Variants in LRRC27 observed in about 807,000 individuals in gnomAD.
LRRC27 encodes the protein leucine rich repeat containing 27.
Under a neutral mutation model 55.0 loss-of-function variants are expected in LRRC27, and 57 were observed. The observed-to-expected ratio is 1.04, with a 90% CI of 0.84 to 1.29. The LOEUF (loss-of-function observed/expected upper bound fraction) is 1.29, where lower values mean the gene tolerates loss of function less well. Among genes scored for constraint, LRRC27 ranks in the 50% most tolerant of loss-of-function variants. LRRC27 has a pLI of 0.00. For synonymous variants in LRRC27, 278 were observed against 251.9 expected (o/e 1.10, Z -0.98); for missense variants, 721 against 651.5 (o/e 1.11, Z -1.16).
chr10:132,341,629 C>T (rs1392128216), intron 3 of LRRC27, among the ~76,000 whole-genome samples: 2 of 152,102 alleles, frequency 1.3e-5, no homozygotes, highest in Admixed American at 6.6e-5. Flanking sequence ...GAGTTTCTTA[C>T]GTAGAGGCTT....
In LRRC27 at chr10:132,372,719, G is replaced by GCCTAA. The variant is rs1432671602; in HGVS notation, c.1417-2347_1417-2346insCCTAA. 1.3e-5 allele frequency among the ~76,000 whole-genome samples: 2 copies of GCCTAA among 152,208 alleles called. No individual in the cohort carries two copies. The highest frequency in any genetic ancestry group is 2.9e-5 in the Non-Finnish European group (2 of 68,042). On this transcript the variant is annotated intron_variant, in intron 10 of 10. Transcript: ENST00000368614. The surrounding 1 kb of genome is among the most constrained non-coding windows in gnomAD (Gnocchi z 4.0). ...CTGACCAACCAGGCACCACAGTGGTGACAGCAGCCATGTTTGGCCTAAAGA... is the reference window on the plus strand; with the variant it reads ...CTGACCAACCAGGCACCACAGTGGTGCCTAAACAGCAGCCATGTTTGGCCTAAAGA...
chr10:132,361,613 T>G lies in LRRC27; in HGVS notation c.1289+38T>G, dbSNP rs750735215. 10 of 1,450,992 alleles carry G rather than the reference T, an allele frequency of 6.9e-6. No individual in the cohort carries two copies. The South Asian group carries it at 1.1e-4, about 17-fold the overall frequency. 89.9% of individuals were successfully genotyped at this position (1,450,992 alleles called of 1,614,324 possible). ...AACTGGCACTCAGTCCTTCCAGGGC[T>G]CAGCCAGCCACCCACGGGCAGGTGC... On this transcript the variant is annotated intron_variant, in intron 9 of 10. Coordinates refer to ENST00000368614, the MANE Select transcript of LRRC27 (RefSeq NM_030626.3).
intron 9 of LRRC27, among the ~76,000 whole-genome samples, chr10:132,363,254 C>A (rs1273725295): frequency 2.0e-5 from 3 of 150,478 alleles, no homozygotes; most frequent in African/African-American, 7.4e-5. Flanking sequence ...GGTTCATGAA[C>A]CCTCTCACCT....
chr10:132,333,486 G>A lies in LRRC27; in HGVS notation c.-39G>A. 1 of 1,525,148 alleles carries A rather than the reference G, an allele frequency of 6.6e-7. No individual in the cohort carries two copies. The highest frequency in any genetic ancestry group is 8.9e-7 in the Non-Finnish European group (1 of 1,128,562). The allele number at this position is 1,525,148 out of a possible 1,614,324, so 94.5% of individuals were successfully genotyped here. On this transcript the variant is annotated 5_prime_UTR_variant, in exon 2 of 11. Coordinates refer to ENST00000368614, the MANE Select transcript of LRRC27 (RefSeq NM_030626.3). ...TTTCCCGTGTCTCCAGGTGACTCCA[G>A]ACCAAGGAGGATGAGCTGCTGTCCC... is the stretch of plus-strand genomic sequence containing the variant.
chr10:132,368,136 C>CT (rs374992585), intron 10 of LRRC27, among the ~76,000 whole-genome samples: 68 of 152,242 alleles, frequency 4.5e-4, no homozygotes, highest in African/African-American at 1.6e-3. Flanking sequence ...AAGTAAAAAT[C>CT]TAACAAAATG....
intron 7 of LRRC27, 63 bp downstream of exon 7, chr10:132,351,816 C>A: frequency 6.5e-7 from 1 of 1,530,226 alleles, no homozygotes; most frequent in South Asian, 1.2e-5. Flanking sequence ...TGGGACTGGG[C>A]TGTGATTTTA....
At chr10:132,370,395 C>T (rs2069185618) in intron 10 of LRRC27, among the ~76,000 whole-genome samples, 1 of 152,184 alleles carries the variant, frequency 6.6e-6, no homozygotes, top group Admixed American at 6.5e-5. Context: ...CTCCCTGCAG[C>T]CCTTGAGCCC....
intron 7 of LRRC27, among the ~76,000 whole-genome samples, 163 bp from the exon 8 acceptor site, chr10:132,355,627 A>T (rs369902130): frequency 2.0e-5 from 3 of 152,292 alleles, no homozygotes; most frequent in African/African-American, 7.2e-5. Flanking sequence ...ATGTGCCGGG[A>T]GGAAGAGGCT....
rs1239608597 is a variant in LRRC27 at position 132,348,408 on chromosome 10, GTTATT to G, written c.926+56_926+60del. ...TTCTTGATCTTTGCGAATTTATACAGTTATTTTAAATTATCTTTGAAAACATCAGG... is the reference window on the plus strand; with the variant it reads ...TTCTTGATCTTTGCGAATTTATACAGTTAAATTATCTTTGAAAACATCAGG... On this transcript the variant is annotated intron_variant, in intron 6 of 10. Transcript: ENST00000368614. This position sits in a 1 kb window ranked among gnomAD's most constrained non-coding sequence, Gnocchi z 4.2. The G allele has an allele frequency of 6.4e-7, 1 of 1,565,928 alleles. No individual in the cohort carries two copies. The highest frequency in any genetic ancestry group is 1.2e-5 in the South Asian group (1 of 84,008).
chr10:132,361,398 C>T, intron 8 of LRRC27, 59 bp from the exon 9 acceptor site: 1 of 1,422,742 alleles, frequency 7.0e-7, no homozygotes, highest in Non-Finnish European at 9.9e-7. Flanking sequence ...TGCAGGTTAG[C>T]TTTGTGGAAA....
At chr10:132,368,481 G>A (rs572249017) in intron 10 of LRRC27, among the ~76,000 whole-genome samples, 1 of 152,228 alleles carries the variant, frequency 6.6e-6, no homozygotes, top group Non-Finnish European at 1.5e-5. Flanking sequence ...AAATAGAATA[G>A]AGAGCCCCAA....
intron 5 of LRRC27, among the ~76,000 whole-genome samples, chr10:132,345,251 T>C (rs1241697606): frequency 6.6e-6 from 1 of 152,258 alleles, no homozygotes; most frequent in Non-Finnish European, 1.5e-5. Flanking sequence ...CCAAAAAAAG[T>C]ACATATTCTG....
intron 9 of LRRC27, among the ~76,000 whole-genome samples, chr10:132,363,698 G>A (rs1038049672): frequency 3.3e-5 from 5 of 152,172 alleles, no homozygotes; most frequent in Admixed American, 6.5e-5. Context: ...CCTGAGCTTG[G>A]AAGGCCCAGG....
At chr10:132,355,449 G>A (rs1170408901) in intron 7 of LRRC27, among the ~76,000 whole-genome samples, 7 of 152,286 alleles carry the variant, frequency 4.6e-5, no homozygotes, top group East Asian at 1.9e-4. Context: ...CCCCCAACCC[G>A]TCGTGCAGCG....
intron 6 of LRRC27, chr10:132,349,076 C>T (rs1438737177): frequency 3.0e-5 from 46 of 1,537,008 alleles, no homozygotes; most frequent in Middle Eastern, 1.7e-4. Flanking sequence ...CTGTGGTGTG[C>T]GTGTGTGTGC....
intron 3 of LRRC27, among the ~76,000 whole-genome samples, chr10:132,339,001 C>T (rs972352780): frequency 3.3e-5 from 5 of 152,178 alleles, no homozygotes; most frequent in Non-Finnish European, 5.9e-5. Flanking sequence ...TGAGCCCCCG[C>T]GCCCGGCTAC....
chr10:132,352,649 T>C lies in LRRC27; in HGVS notation c.1073+896T>C, dbSNP rs1476519635. ...GCAGCGCTCCGTGTGGGGCAGGCGC[T>C]GAGGCCTCCGTGTGGGGCAGGCGCT... On this transcript the variant is annotated intron_variant, in intron 7 of 10. Coordinates refer to ENST00000368614, the MANE Select transcript of LRRC27 (RefSeq NM_030626.3). Among the ~76,000 whole-genome samples the C allele has an allele frequency of 2.6e-4, 31 of 119,214 alleles. 2 individuals carry two copies. Among genetic ancestry groups the C allele is most frequent in the Non-Finnish European group, 7.0e-5 (4 of 57,080 alleles). 78.2% of individuals were successfully genotyped at this position (119,214 alleles called of 152,430 possible). A position where few individuals can be genotyped will look rare whatever the true frequency, so the allele number is the denominator to read the frequency against.
At position 132,355,868 on chromosome 10, in the gene LRRC27, G is replaced by T. The variant is rs1327307083; in HGVS notation, c.1152G>T (p.Leu384=). ...GGAAGGAAGAGCTCAGCAAACTCCT[G>T]CCTCCGCGGAGGAGCATGGTACGGC... ...RKRKEELSKL[L]PPRRSMVASK... is the part of the protein sequence containing the mutation. Residue 384 remains leucine, a synonymous_variant, in exon 8 of 11, where the codon CTG becomes CTT. Transcript: ENST00000368614. 1.9e-6 allele frequency: 3 copies of T among 1,555,684 alleles called. No homozygotes were observed. The highest frequency in any genetic ancestry group is 1.7e-4 in the Middle Eastern group (1 of 5,996).
intron 6 of LRRC27, 91 bp from the exon 7 acceptor site, chr10:132,351,516 C>A: frequency 7.0e-7 from 1 of 1,424,702 alleles, no homozygotes; most frequent in Non-Finnish European, 9.7e-7. Context: ...GCGGATGATC[C>A]ACAGGCCCTC....
Sources: gnomAD v4.1 joint callset for allele counts (sites outside exome capture counted in the v4.1 genomes callset) on GRCh38, gnomAD v4.1.1 for gene constraint, Gnocchi (gnomAD v3.1) non-coding constraint, MANE v1.5 for transcripts, NCBI Gene and HGNC (gene_info 2026-07-23, HGNC 2026-07-21) for gene names.